Variants in SYCP1 observed in about 807,000 individuals in gnomAD.
SYCP1 encodes cancer/testis antigen 8.
In SYCP1, 64 loss-of-function variants were observed where a neutral mutation model predicts 153.1. That is an observed-to-expected ratio of 0.42 (90% CI 0.34 to 0.51). The LOEUF (loss-of-function observed/expected upper bound fraction) is 0.51. Ranked by LOEUF, SYCP1 falls within the 20% of genes least tolerant of loss-of-function variation. The pLI is 0.06. For synonymous variants in SYCP1, 384 were observed against 341.8 expected, an observed-to-expected ratio of 1.12 and a Z score of -1.36; for missense variants, 997 against 1,049.0, an observed-to-expected ratio of 0.95 and a Z score of 0.68.
At chr1:114,938,833 AT>A (rs915602158) in intron 23 of SYCP1, among the ~76,000 whole-genome samples, 1 of 152,152 alleles carries the variant, frequency 6.6e-6, no homozygotes, top group African/African-American at 2.4e-5. Flanking sequence ...AATATCAGTA[AT>A]CATTGCAAAT....
intron 30 of SYCP1, among the ~76,000 whole-genome samples, chr1:114,990,932 G>A (rs1673873243): frequency 6.6e-6 from 1 of 151,844 alleles, no homozygotes; most frequent in African/African-American, 2.4e-5. Flanking sequence ...CCACAGGGTG[G>A]CACACCCAAG....
chr1:114,903,697 A>C (rs2101636971), intron 16 of SYCP1, among the ~76,000 whole-genome samples: 1 of 152,314 alleles, frequency 6.6e-6, no homozygotes, highest in South Asian at 2.1e-4. Flanking sequence ...TTTGGCCTGA[A>C]GGAGAATAGT....
At chr1:114,872,200 C>A (rs1013527100) in intron 8 of SYCP1, among the ~76,000 whole-genome samples, 2 of 151,916 alleles carry the variant, frequency 1.3e-5, no homozygotes, top group African/African-American at 4.8e-5. Flanking sequence ...TTTTCTTTCT[C>A]TTTAAATAAT....
intron 27 of SYCP1, among the ~76,000 whole-genome samples, chr1:114,948,420 A>G (rs1159749645): frequency 2.0e-5 from 3 of 152,208 alleles, no homozygotes; most frequent in Non-Finnish European, 4.4e-5. Context: ...CTATTTTTGC[A>G]TGGCTTCAAA....
At chr1:114,970,641 G>C (rs1196920465) in intron 27 of SYCP1, among the ~76,000 whole-genome samples, 1 of 152,116 alleles carries the variant, frequency 6.6e-6, no homozygotes, top group Non-Finnish European at 1.5e-5. Flanking sequence ...CCTAGGGATG[G>C]GGCTTCCTGA....
chr1:114,857,441 T>C lies in SYCP1; in HGVS notation c.238-3T>C. 6.3e-7 allele frequency: 1 copy of C among 1,597,688 alleles called. No individual in the cohort carries two copies. The highest frequency in any genetic ancestry group is 8.5e-7 in the Non-Finnish European group (1 of 1,171,776). On this transcript the variant is annotated splice_region_variant and splice_polypyrimidine_tract_variant and intron_variant, in intron 4 of 31. Transcript: ENST00000369522. ...TTTCTTATAGAAACATCTATCTTTT[T>C]AGGTTGGTAATTCTGACTGTCACTA... is the stretch of plus-strand genomic sequence containing the variant.
intron 7 of SYCP1, 30 bp from the exon 8 acceptor site, chr1:114,860,706 C>T: frequency 6.6e-7 from 1 of 1,518,178 alleles, no homozygotes; most frequent in Non-Finnish European, 9.0e-7. Flanking sequence ...GATCAGATTA[C>T]ACACAGGCAA....
intron 27 of SYCP1, among the ~76,000 whole-genome samples, chr1:114,975,887 G>A (rs1389115187): frequency 6.6e-6 from 1 of 151,736 alleles, no homozygotes; most frequent in South Asian, 2.1e-4. Flanking sequence ...TCTGTGGTCA[G>A]AACAAACATG....
At chr1:114,865,699 T>C (rs1480687922) in intron 8 of SYCP1, among the ~76,000 whole-genome samples, 1 of 152,010 alleles carries the variant, frequency 6.6e-6, no homozygotes, top group African/African-American at 2.4e-5. Context: ...CATAGGCACA[T>C]CATAATTGTC....
intron 27 of SYCP1, among the ~76,000 whole-genome samples, chr1:114,950,362 G>A (rs2101842722): frequency 6.6e-6 from 1 of 152,258 alleles, no homozygotes; most frequent in African/African-American, 2.4e-5. Context: ...TGTTACTACA[G>A]TGTAATTTAG....
chr1:114,927,228 TTGA>T (rs1557807011), intron 23 of SYCP1, among the ~76,000 whole-genome samples: 1 of 152,020 alleles, frequency 6.6e-6, no homozygotes, highest in African/African-American at 2.4e-5. Context: ...TCATAAATGG[TTGA>T]TATTCTATAT....
intron 15 of SYCP1, among the ~76,000 whole-genome samples, chr1:114,889,922 T>G (rs908131804): frequency 6.6e-6 from 1 of 152,178 alleles, no homozygotes; most frequent in African/African-American, 2.4e-5. Context: ...TTTAATGTCT[T>G]AGGCTAAGGA....
intron 8 of SYCP1, among the ~76,000 whole-genome samples, chr1:114,866,910 T>C (rs1190742552): frequency 6.6e-6 from 1 of 151,986 alleles, no homozygotes; most frequent in Non-Finnish European, 1.5e-5. Context: ...TTCTTTTTTT[T>C]TTTTTGCATG....
intron 21 of SYCP1, among the ~76,000 whole-genome samples, chr1:114,924,538 T>C (rs572445652): frequency 6.6e-6 from 1 of 152,220 alleles, no homozygotes; most frequent in African/African-American, 2.4e-5. Flanking sequence ...TCACATTCAA[T>C]GTGAAGCCTT....
At chr1:114,958,373 T>C (rs1671565101) in intron 27 of SYCP1, among the ~76,000 whole-genome samples, 1 of 152,152 alleles carries the variant, frequency 6.6e-6, no homozygotes, top group Non-Finnish European at 1.5e-5. Context: ...CAGTGTTTGG[T>C]AGCACAATAG....
intron 27 of SYCP1, among the ~76,000 whole-genome samples, chr1:114,952,174 C>T (rs1352652138): frequency 1.3e-5 from 2 of 152,018 alleles, no homozygotes; most frequent in African/African-American, 4.8e-5. Context: ...GAAACAACTA[C>T]CTAAGAATAC....
At chr1:114,944,732 A>G in intron 24 of SYCP1, 140 bp from the exon 25 acceptor site, 1 of 692,716 alleles carries the variant, frequency 1.4e-6, no homozygotes, top group Non-Finnish European at 2.4e-6. Flanking sequence ...AAAAACCCCA[A>G]ACAGTGCATT....
chr1:114,944,189 C>T, intron 23 of SYCP1, 150 bp from the exon 24 acceptor site: 1 of 503,622 alleles, frequency 2.0e-6, no homozygotes, highest in Non-Finnish European at 3.5e-6. Context: ...AAACACTTCT[C>T]ACCATATGAA....
At chr1:114,949,351 C>T (rs1218402637) in intron 27 of SYCP1, among the ~76,000 whole-genome samples, 1 of 152,156 alleles carries the variant, frequency 6.6e-6, no homozygotes, top group Admixed American at 6.5e-5. Flanking sequence ...CAGTTCTTAT[C>T]GGGAATGCCA....
Sources: gnomAD v4.1 joint callset for allele counts (sites outside exome capture counted in the v4.1 genomes callset) on GRCh38, gnomAD v4.1.1 for gene constraint, MANE v1.5 for transcripts, NCBI Gene and HGNC (gene_info 2026-07-23, HGNC 2026-07-21) for gene names.